ZCCHC14: variants seen among roughly 807,000 people sequenced by gnomAD.
The protein encoded by ZCCHC14 is zinc finger CCHC-type containing 14.
ZCCHC14 carries 16 observed loss-of-function variants against 85.0 expected under a neutral mutation model. That is an observed-to-expected ratio of 0.19 (90% CI 0.13 to 0.29). The LOEUF is 0.29. ZCCHC14 is among the 10% of genes least tolerant of loss of function. The probability of loss-of-function intolerance (pLI) is 1.00; values close to 1 mark genes in which losing one functional copy is unlikely to be tolerated. For missense variants in ZCCHC14, 1,303 were observed against 1,443.5 expected, an observed-to-expected ratio of 0.90 and a Z score of 1.58; for synonymous variants, 775 against 630.7, an observed-to-expected ratio of 1.23 and a Z score of -3.43.
intron 1 of ZCCHC14, among the ~76,000 whole-genome samples, chr16:87,474,575 C>T (rs1215705961): frequency 6.6e-6 from 1 of 152,176 alleles, no homozygotes; most frequent in Non-Finnish European, 1.5e-5. Context: ...AGGACCAAGA[C>T]AAGCAGAAAC....
Position 87,414,491 on chromosome 16 carries a change from G to A in ZCCHC14, c.1526C>T (p.Thr509Ile), listed in dbSNP as rs925231064. ...GGGCACTCGAGCCACACCACTGCTG[G>A]TGACCAGCGGCGGGGCCGAGGGGTT... ...CLNPSAPPLV[T>I]SSGVARVPPT... is the part of the protein sequence containing the mutation. Residue 509 changes from threonine (T) to isoleucine (I), a missense_variant, in exon 10 of 13, where the codon ACC (threonine) becomes ATC (isoleucine). Physicochemically the swap from Thr to Ile is moderately conservative, Grantham distance 89 (BLOSUM62 -1). This residue lies in a region of ZCCHC14 where 58 missense variants were observed against 88.2 expected (regional missense o/e 0.66). Transcript: ENST00000671377. The A allele has an allele frequency of 6.2e-7, 1 of 1,613,156 alleles. No homozygotes were observed. The highest frequency in any genetic ancestry group is 1.3e-5 in the African/African-American group (1 of 74,948).
chr16:87,438,214 T>C (rs1344275613), intron 2 of ZCCHC14, among the ~76,000 whole-genome samples: 1 of 152,262 alleles, frequency 6.6e-6, no homozygotes, highest in East Asian at 1.9e-4. Context: ...ACAGGAGGAA[T>C]GCACGCCCCG....
intron 9 of ZCCHC14, 68 bp from the exon 10 acceptor site, chr16:87,414,609 A>G: frequency 6.5e-7 from 1 of 1,534,856 alleles, no homozygotes; most frequent in Non-Finnish European, 8.8e-7. Context: ...TGCGGCTTCA[A>G]GACGGGTCTA....
Position 87,411,747 on chromosome 16 carries a change from T to C in ZCCHC14, c.2974A>G (p.Ser992Gly), listed in dbSNP as rs762442929. 1.9e-6 allele frequency: 3 copies of C among 1,612,764 alleles called. No homozygotes were observed. Among genetic ancestry groups the C allele is most frequent in the Admixed American group, 1.7e-5 (1 of 60,004 alleles). ...STFPVVHAPY[S>G]SSGTPDPVLS... ...ACAGGGTCTGGGGTCCCGCTGCTGC[T>C]GTAAGGGGCGTGCACGACGGGGAAG... Residue 992 changes from serine (S) to glycine (G), a missense_variant, in exon 12 of 13, where the codon AGC (serine) becomes GGC (glycine). Around this residue, in one of 7 missense-constraint regions of ZCCHC14, gnomAD observed 797 missense variants for 730.8 expected, o/e 1.09. Transcript: ENST00000671377.
intron 2 of ZCCHC14, among the ~76,000 whole-genome samples, chr16:87,457,148 G>A (rs561244489): frequency 2.3e-4 from 35 of 152,336 alleles, no homozygotes; most frequent in Admixed American, 2.0e-3. Flanking sequence ...CTGCAGCCAG[G>A]CACTGGGTAC....
intron 1 of ZCCHC14, among the ~76,000 whole-genome samples, chr16:87,480,071 G>C (rs1912196690): frequency 6.6e-6 from 1 of 151,754 alleles, no homozygotes; most frequent in Non-Finnish European, 1.5e-5. Flanking sequence ...CAGTGCACCT[G>C]GCCTTGCATG....
chr16:87,460,840 C>T (rs1227898020), intron 1 of ZCCHC14, among the ~76,000 whole-genome samples: 1 of 152,226 alleles, frequency 6.6e-6, no homozygotes, highest in Non-Finnish European at 1.5e-5. Flanking sequence ...TTCTATAAAT[C>T]TTAAATCATA....
rs1252928709 is a variant in ZCCHC14, at chr16:87,408,064, CG to C, written c.*2215del. 6.6e-6 allele frequency: 1 copy of C among 152,658 alleles called. No individual in the cohort carries two copies. The highest frequency in any genetic ancestry group is 2.4e-5 in the African/African-American group (1 of 41,444). The allele number at this position is 152,658 out of a possible 1,614,324, so 9.5% of individuals were successfully genotyped here. On this transcript the variant is annotated 3_prime_UTR_variant, in exon 13 of 13. Coordinates refer to ENST00000671377, the MANE Select transcript of ZCCHC14 (RefSeq NM_015144.3). ...GCTGGGAACACAGCCGTGACAGTGTCGGAACTCATCTACCTCAACGCTGAAT... is the reference window on the plus strand; with the variant it reads ...GCTGGGAACACAGCCGTGACAGTGTCGAACTCATCTACCTCAACGCTGAAT...
At chr16:87,489,873 C>A (rs1414691473) in intron 1 of ZCCHC14, among the ~76,000 whole-genome samples, 1 of 152,116 alleles carries the variant, frequency 6.6e-6, no homozygotes, top group Non-Finnish European at 1.5e-5. Flanking sequence ...ATTAAGAATC[C>A]CCTTAAAGAG....
chr16:87,435,055 A>G (rs949909935), intron 2 of ZCCHC14, among the ~76,000 whole-genome samples: 3 of 151,452 alleles, frequency 2.0e-5, no homozygotes, highest in African/African-American at 7.3e-5. Flanking sequence ...AACTCCTTGT[A>G]AACTGTCAAT....
intron 1 of ZCCHC14, among the ~76,000 whole-genome samples, chr16:87,474,534 T>G (rs1911916227): frequency 6.6e-6 from 1 of 152,024 alleles, no homozygotes; most frequent in Non-Finnish European, 1.5e-5. Context: ...AACTATAAAC[T>G]CTGGACAAAG....
chr16:87,491,876 C>T lies in ZCCHC14; in HGVS notation c.363G>A (p.Leu121=). 1.3e-6 allele frequency: 2 copies of T among 1,552,078 alleles called. No individual in the cohort carries two copies. Among genetic ancestry groups the T allele is most frequent in the Non-Finnish European group, 1.7e-6 (2 of 1,156,648 alleles). ...CGCCCGTGCGGCCCTCGTTAAGCTG[C>T]AGCCCGTAGTTGTGGATGATGGAGT... ...HIDSIIHNYG[L]QLNEGRTGDE... Residue 121 remains leucine, a synonymous_variant, in exon 1 of 13, where the codon CTG becomes CTA. Coordinates refer to ENST00000671377, the MANE Select transcript of ZCCHC14 (RefSeq NM_015144.3). The surrounding 1 kb of genome is among the most constrained non-coding windows in gnomAD (Gnocchi z 5.9).
At chr16:87,440,580 A>G (rs894237415) in intron 2 of ZCCHC14, among the ~76,000 whole-genome samples, 6 of 152,114 alleles carry the variant, frequency 3.9e-5, no homozygotes, top group African/African-American at 1.4e-4. Flanking sequence ...ATCCCAGACT[A>G]TGCATAAACT....
rs1912772210 is a variant in ZCCHC14 at position 87,491,602 on chromosome 16, A to C, written c.570+67T>G. 1 of 1,317,038 alleles carries C rather than the reference A, an allele frequency of 7.6e-7. No individual in the cohort carries two copies. Among genetic ancestry groups the C allele is most frequent in the Non-Finnish European group, 9.7e-7 (1 of 1,029,744 alleles). The allele number at this position is 1,317,038 out of a possible 1,614,324, so 81.6% of individuals were successfully genotyped here. A position where few individuals can be genotyped will look rare whatever the true frequency, so the allele number is the denominator to read the frequency against. On this transcript the variant is annotated intron_variant, in intron 1 of 12. Coordinates refer to ENST00000671377, the MANE Select transcript of ZCCHC14 (RefSeq NM_015144.3). The surrounding 1 kb of genome is among the most constrained non-coding windows in gnomAD (Gnocchi z 5.9). ...GTCGGGGGGTCGCGGTGCAGGCTGGAGGCTTGGAGTGCAGAGTTGGGGATG... is the reference window on the plus strand; with the variant it reads ...GTCGGGGGGTCGCGGTGCAGGCTGGCGGCTTGGAGTGCAGAGTTGGGGATG...
At chr16:87,416,732 G>C (rs1299198196) in intron 8 of ZCCHC14, among the ~76,000 whole-genome samples, 2 of 152,078 alleles carry the variant, frequency 1.3e-5, no homozygotes, top group African/African-American at 4.8e-5. Context: ...CTCCAGCCCA[G>C]GTGGCAGTGC....
chr16:87,436,105 GAAT>G (rs1324099571), intron 2 of ZCCHC14, among the ~76,000 whole-genome samples: 1 of 152,100 alleles, frequency 6.6e-6, no homozygotes, highest in Non-Finnish European at 1.5e-5. Flanking sequence ...TCCCAGGACT[GAAT>G]AATATTAGGG....
intron 1 of ZCCHC14, among the ~76,000 whole-genome samples, chr16:87,466,343 C>A (rs959595989): frequency 1.3e-5 from 2 of 152,222 alleles, no homozygotes; most frequent in Non-Finnish European, 2.9e-5. Context: ...CAGATGGAAG[C>A]ACAGCCCCCC....
chr16:87,461,980 A>C (rs1407692783), intron 1 of ZCCHC14, among the ~76,000 whole-genome samples: 1 of 152,176 alleles, frequency 6.6e-6, no homozygotes, highest in African/African-American at 2.4e-5. Context: ...TAACTCGAGA[A>C]AATAAGGCCG....
intron 1 of ZCCHC14, among the ~76,000 whole-genome samples, chr16:87,482,946 A>G (rs1912352628): frequency 6.6e-6 from 1 of 152,182 alleles, no homozygotes; most frequent in South Asian, 2.1e-4. Context: ...CAATACATGC[A>G]TATGTATAAT....
Sources: gnomAD v4.1 joint callset for allele counts (sites outside exome capture counted in the v4.1 genomes callset) on GRCh38, gnomAD v4.1.1 for gene constraint, gnomAD v4.1.1 regional missense constraint, Gnocchi (gnomAD v3.1) non-coding constraint, MANE v1.5 for transcripts, NCBI Gene and HGNC (gene_info 2026-07-23, HGNC 2026-07-21) for gene names.